PTPRT: variants seen among roughly 807,000 people sequenced by gnomAD.
The protein encoded by PTPRT is receptor-type tyrosine-protein phosphatase T.
Under a neutral mutation model 176.8 loss-of-function variants are expected in PTPRT, and 56 were observed. The observed-to-expected ratio is 0.32, with a 90% confidence interval of 0.26 to 0.40. PTPRT has a LOEUF of 0.40. Ranked by LOEUF, PTPRT falls within the 10% of genes least tolerant of loss-of-function variation. PTPRT has a pLI of 1.00. For missense variants in PTPRT, 1,540 were observed against 1,908.2 expected (o/e 0.81, Z 3.60); for synonymous variants, 783 against 739.0 (o/e 1.06, Z -0.96).
intron 9 of PTPRT, among the ~76,000 whole-genome samples, chr20:42,387,830 C>T (rs564355763): frequency 1.3e-3 from 198 of 147,584 alleles, no homozygotes; most frequent in South Asian, 1.7e-3. Context: ...CTCGCCCTGT[C>T]GCCCAGACTG....
At chr20:42,706,089 A>C (rs2076050295) in intron 6 of PTPRT, among the ~76,000 whole-genome samples, 1 of 151,706 alleles carries the variant, frequency 6.6e-6, no homozygotes, top group Non-Finnish European at 1.5e-5. Flanking sequence ...TTAGGAGATT[A>C]GGAGGAGGGA....
intron 7 of PTPRT, among the ~76,000 whole-genome samples, chr20:42,496,955 AT>A (rs1288976847): frequency 6.6e-5 from 10 of 152,084 alleles, no homozygotes; most frequent in Admixed American, 6.6e-4. Flanking sequence ...AGACCACTTC[AT>A]TGCCTGTGAT....
At chr20:42,912,976 TA>T (rs1978495250) in intron 1 of PTPRT, among the ~76,000 whole-genome samples, 1 of 152,212 alleles carries the variant, frequency 6.6e-6, no homozygotes, top group South Asian at 2.1e-4. Flanking sequence ...AACCTGAGTT[TA>T]AATGCCTATC....
At chr20:42,970,905 C>G (rs1982596776) in intron 1 of PTPRT, 1 of 152,196 alleles carries the variant, frequency 6.6e-6, no homozygotes, top group African/African-American at 2.4e-5. Context: ...ACTGAGACGA[C>G]AGCAAGTCAC....
intron 9 of PTPRT, among the ~76,000 whole-genome samples, chr20:42,360,660 TCA>T (rs1201417791): frequency 1.3e-5 from 2 of 152,214 alleles, no homozygotes; most frequent in African/African-American, 4.8e-5. Context: ...CCTTCCAACT[TCA>T]CACTCAGCTG....
intron 12 of PTPRT, among the ~76,000 whole-genome samples, chr20:42,299,822 T>A (rs1240197862): frequency 6.6e-6 from 1 of 151,740 alleles, no homozygotes; most frequent in Non-Finnish European, 1.5e-5. Flanking sequence ...TAATTTTTTG[T>A]ATTTTTAGTA....
chr20:42,254,001 G>A (rs1044834317), intron 13 of PTPRT, among the ~76,000 whole-genome samples: 1 of 152,152 alleles, frequency 6.6e-6, no homozygotes, highest in African/African-American at 2.4e-5. Flanking sequence ...ATGGAAACCT[G>A]GTGCACAAGG....
At chr20:42,743,518 C>T (rs143028739) in intron 6 of PTPRT, among the ~76,000 whole-genome samples, 13 of 152,260 alleles carry the variant, frequency 8.5e-5, no homozygotes, top group Admixed American at 2.0e-4. Context: ...AAAGGAATTC[C>T]ATTGTTTTAA....
chr20:42,062,230 A>AGG, the PTPRT span, among the ~76,000 whole-genome samples: 14 of 152,320 alleles, frequency 9.2e-5, no homozygotes, highest in East Asian at 2.7e-3. Context: ...GCCTGCAAAG[A>AGG]GGGGTGTACT....
chr20:42,433,710 G>A (rs980352451), intron 9 of PTPRT, among the ~76,000 whole-genome samples: 1 of 152,146 alleles, frequency 6.6e-6, no homozygotes, highest in Non-Finnish European at 1.5e-5. Context: ...ATCCAAATGT[G>A]TATGTATTGT....
At chr20:42,648,796 G>A (rs6016860) in intron 7 of PTPRT, among the ~76,000 whole-genome samples, 22,227 of 148,230 alleles carry the variant, frequency 0.15, 2,193 homozygotes, top group East Asian at 0.51. Flanking sequence ...TAAAGGAAAG[G>A]GGATTTTTTT....
At chr20:42,842,398 G>A (rs2078293909) in intron 2 of PTPRT, among the ~76,000 whole-genome samples, 1 of 152,110 alleles carries the variant, frequency 6.6e-6, no homozygotes, top group Non-Finnish European at 1.5e-5. Flanking sequence ...ATAACAAAAT[G>A]CCTTAGACTG....
intron 1 of PTPRT, among the ~76,000 whole-genome samples, chr20:43,166,613 C>T (rs1198640319): frequency 1.3e-5 from 2 of 152,162 alleles, no homozygotes; most frequent in African/African-American, 4.8e-5. Flanking sequence ...AGACTCTATC[C>T]TTGCCTCAAA....
chr20:42,711,092 A>G (rs1354920217), intron 6 of PTPRT, among the ~76,000 whole-genome samples: 1 of 152,188 alleles, frequency 6.6e-6, no homozygotes, highest in Non-Finnish European at 1.5e-5. Context: ...TGAAATAAAT[A>G]ACTTGTTTTT....
chr20:42,472,387 G>A lies in PTPRT; in HGVS notation c.1329C>T (p.Thr443=), dbSNP rs1389987646. 5 of 1,614,084 alleles carry A rather than the reference G, an allele frequency of 3.1e-6. No homozygotes were observed. The highest frequency in any genetic ancestry group is 3.4e-6 in the Non-Finnish European group (4 of 1,180,024). ...GGCCTCGCAGGGTGTAGTGGGAGGAGGTCTGGATGACCTCCTCGGCCTCGT... is the reference window on the plus strand; with the variant it reads ...GGCCTCGCAGGGTGTAGTGGGAGGAAGTCTGGATGACCTCCTCGGCCTCGT... ...QQYEAEEVIQ[T]SSHYTLRGLR... Residue 443 remains threonine (T), a synonymous_variant, in exon 8 of 31, where the codon ACC becomes ACT. Coordinates refer to ENST00000373187, the MANE Select transcript of PTPRT (RefSeq NM_007050.6).
chr20:42,719,565 A>AT (rs2076275387), intron 6 of PTPRT, among the ~76,000 whole-genome samples: 2 of 152,110 alleles, frequency 1.3e-5, no homozygotes, highest in Admixed American at 6.6e-5. Context: ...TCTGAGCCTC[A>AT]TTTTTTTCAG....
intron 11 of PTPRT, among the ~76,000 whole-genome samples, chr20:42,346,705 A>T (rs1205973107): frequency 2.0e-5 from 3 of 152,184 alleles, no homozygotes; most frequent in Non-Finnish European, 4.4e-5. Context: ...TCAGAGGAGC[A>T]GTAAGTGGCA....
chr20:42,381,449 G>T (rs1266316082), intron 9 of PTPRT, among the ~76,000 whole-genome samples: 3 of 152,200 alleles, frequency 2.0e-5, no homozygotes, highest in Admixed American at 1.3e-4. Flanking sequence ...CTGTGTGACT[G>T]CTCCCTGTTG....
intron 1 of PTPRT, among the ~76,000 whole-genome samples, chr20:42,907,476 A>G (rs796478213): frequency 6.6e-6 from 1 of 152,136 alleles, no homozygotes; most frequent in South Asian, 2.1e-4. Flanking sequence ...TTTTTTTTTA[A>G]TGTTTTTCTC....
Sources: allele counts gnomAD v4.1 joint callset (sites outside exome capture counted in the v4.1 genomes callset), GRCh38; gene constraint gnomAD v4.1.1; transcripts MANE v1.5; gene names NCBI Gene and HGNC (gene_info 2026-07-23, HGNC 2026-07-21).